Variants in FYCO1 observed in about 807,000 individuals in gnomAD.
FYCO1 encodes the protein FYVE and coiled-coil domain autophagy adaptor 1.
FYCO1 carries 122 observed loss-of-function variants against 165.1 expected under a neutral mutation model. That is an observed-to-expected ratio of 0.74 (90% CI 0.64 to 0.86). The LOEUF (loss-of-function observed/expected upper bound fraction) is 0.86. Among genes scored for constraint, FYCO1 ranks in the 40% least tolerant of loss-of-function variants. FYCO1 has a pLI of 0.00. For synonymous variants in FYCO1, 648 were observed against 742.5 expected (o/e 0.87, Z 2.07); for missense variants, 1,702 against 1,810.3 (o/e 0.94, Z 1.09).
rs754976353 is a variant in FYCO1 at position 45,958,507 on chromosome 3, G to A, written c.3700C>T (p.Pro1234Ser). Residue 1234 changes from proline to serine, a missense_variant, in exon 13 of 18, where the codon CCT becomes TCT. Transcript: ENST00000296137. Reference sequence around the variant, plus strand: ...GAGCCACTGCTATCAGGGGAGCCAGGGCCTTCACTGAGCTTCTGGAAACAG... The same window carrying A: ...GAGCCACTGCTATCAGGGGAGCCAGAGCCTTCACTGAGCTTCTGGAAACAG... ...RACFQKLSEG[P>S]GSPDSSGSGT... 3 of 1,614,048 alleles carry A rather than the reference G, an allele frequency of 1.9e-6. No individual in the cohort carries two copies. Among genetic ancestry groups the A allele is most frequent in the Admixed American group, 1.7e-5 (1 of 60,006 alleles).
intron 15 of FYCO1, among the ~76,000 whole-genome samples, chr3:45,935,511 T>C (rs1294915454): frequency 6.6e-6 from 1 of 152,196 alleles, no homozygotes; most frequent in African/African-American, 2.4e-5. Flanking sequence ...TGTCAGGCAT[T>C]GTCCTGTCTC....
At position 45,993,775 on chromosome 3, in the gene FYCO1, A is replaced by G. The variant is rs1707666799; in HGVS notation, c.-113+1947T>C. Among the ~76,000 whole-genome samples, 1 of 152,110 alleles carries G rather than the reference A, an allele frequency of 6.6e-6. No individual in the cohort carries two copies. Among genetic ancestry groups the G allele is most frequent in the Admixed American group, 6.5e-5 (1 of 15,270 alleles). ...GGTGCCTACCAGTGATTTCCACCAT[A>G]AGACCACAGCTAGACAACACACTTC... On this transcript the variant is annotated intron_variant, in intron 1 of 17. Coordinates refer to ENST00000296137, the MANE Select transcript of FYCO1 (RefSeq NM_024513.4). This position sits in a 1 kb window ranked among gnomAD's most constrained non-coding sequence, Gnocchi z 4.4.
At chr3:45,978,858 GTT>G (rs35365813) in intron 4 of FYCO1, among the ~76,000 whole-genome samples, 6 of 139,668 alleles carry the variant, frequency 4.3e-5, no homozygotes, top group Non-Finnish European at 4.6e-5. Flanking sequence ...TTGTTCTGGA[GTT>G]TTTTTTTTTT....
At chr3:45,931,627 G>A (rs1477764473) in intron 15 of FYCO1, among the ~76,000 whole-genome samples, 23 of 152,216 alleles carry the variant, frequency 1.5e-4, no homozygotes, top group Non-Finnish European at 2.6e-4. Context: ...AGCAAGTGCC[G>A]AGGCACAGCT....
At chr3:45,991,013 C>T (rs1026913009) in intron 1 of FYCO1, among the ~76,000 whole-genome samples, 40 of 152,066 alleles carry the variant, frequency 2.6e-4, no homozygotes, top group Non-Finnish European at 4.6e-4. Flanking sequence ...CTCCTGACCT[C>T]GTGATCCACC....
intron 1 of FYCO1, among the ~76,000 whole-genome samples, chr3:45,987,550 G>C (rs1432667095): frequency 3.9e-5 from 6 of 152,184 alleles, no homozygotes; most frequent in Non-Finnish European, 7.3e-5. Flanking sequence ...CTGGGACGGA[G>C]GCACACAAGA....
At chr3:45,928,969 G>A (rs531436070) in intron 16 of FYCO1, among the ~76,000 whole-genome samples, 1 of 152,216 alleles carries the variant, frequency 6.6e-6, no homozygotes, top group South Asian at 2.1e-4. Context: ...ATAATTCCTT[G>A]TGTCTATACC....
At chr3:45,924,220 A>G (rs993115022) in intron 16 of FYCO1, among the ~76,000 whole-genome samples, 2 of 151,414 alleles carry the variant, frequency 1.3e-5, no homozygotes, top group African/African-American at 4.9e-5. Context: ...TGCTGGGCCC[A>G]CTCTCCTCCA....
chr3:45,967,750 A>G lies in FYCO1; in HGVS notation c.1584T>C (p.His528=), dbSNP rs943567771. 5.0e-6 allele frequency: 8 copies of G among 1,613,172 alleles called. No homozygotes were observed. The highest frequency in any genetic ancestry group is 6.8e-6 in the Non-Finnish European group (8 of 1,179,982). The part of the protein sequence containing the change: ...LETQLAQVSQ[H]VSDLEEQKKQ... Reference sequence around the variant, plus strand: ...TCTTCTGCTCCTCCAGGTCACTCACATGTTGGCTCACCTGTGCCAGCTGGG... The same window carrying G: ...TCTTCTGCTCCTCCAGGTCACTCACGTGTTGGCTCACCTGTGCCAGCTGGG... Residue 528 remains histidine, a synonymous_variant, in exon 8 of 18, where the codon CAT becomes CAC. Transcript: ENST00000296137.
At chr3:45,988,533 A>G (rs1378432354) in intron 1 of FYCO1, among the ~76,000 whole-genome samples, 1 of 152,216 alleles carries the variant, frequency 6.6e-6, no homozygotes, top group Admixed American at 6.5e-5. Flanking sequence ...TAAGGACTCC[A>G]GGACTCACAC....
At chr3:45,992,692 G>A (rs1045588964) in intron 1 of FYCO1, among the ~76,000 whole-genome samples, 2 of 152,174 alleles carry the variant, frequency 1.3e-5, no homozygotes, top group Non-Finnish European at 2.9e-5. Flanking sequence ...AACCCTTGAA[G>A]GAGGTGGGAA....
intron 16 of FYCO1, among the ~76,000 whole-genome samples, chr3:45,926,303 G>A (rs1450854252): frequency 6.7e-6 from 1 of 149,660 alleles, no homozygotes; most frequent in African/African-American, 2.4e-5. Context: ...TAGGTTAAAA[G>A]TAAACAGATG....
intron 13 of FYCO1, 64 bp downstream of exon 13, chr3:45,958,344 A>T: frequency 2.1e-6 from 3 of 1,449,182 alleles, no homozygotes; most frequent in Non-Finnish European, 1.9e-6. Flanking sequence ...AACTAGCCAC[A>T]ACATCGGTAG....
intron 16 of FYCO1, among the ~76,000 whole-genome samples, chr3:45,926,489 G>C (rs948384807): frequency 6.6e-6 from 1 of 152,186 alleles, no homozygotes; most frequent in South Asian, 2.1e-4. Context: ...TAATGACAGA[G>C]CTTCAAAATA....
intron 2 of FYCO1, among the ~76,000 whole-genome samples, chr3:45,983,631 T>C (rs1707162573): frequency 6.6e-6 from 1 of 152,190 alleles, no homozygotes; most frequent in Admixed American, 6.5e-5. Flanking sequence ...GAACCAGATA[T>C]TGAAACACAG....
rs765456419 is a variant in FYCO1 at position 45,955,329 on chromosome 3, C to T, written c.3864G>A (p.Leu1288=). Residue 1288 remains leucine, a synonymous_variant, in exon 14 of 18, where the codon TTG becomes TTA. Transcript: ENST00000296137. ...AGGAGCCGGACTCCTGTATCTGGCA[C>T]AATTCCTCATCTGTGATGATATCAA... ...AVFDIITDEE[L]CQIQESGSSL... 47 of 1,614,064 alleles carry T rather than the reference C, an allele frequency of 2.9e-5. No homozygotes were observed. The highest frequency in any genetic ancestry group is 3.8e-5 in the Non-Finnish European group (45 of 1,180,034).
intron 14 of FYCO1, chr3:45,947,322 G>A (rs1223274051): frequency 1.9e-6 from 3 of 1,614,202 alleles, no homozygotes; most frequent in Middle Eastern, 1.6e-4. Flanking sequence ...ATACCTGAGG[G>A]CCTGCCTTAA....
At position 45,921,553 on chromosome 3, in the gene FYCO1, C is replaced by G. The variant is rs905031889; in HGVS notation, c.*212G>C. On this transcript the variant is annotated 3_prime_UTR_variant, in exon 18 of 18. Transcript: ENST00000296137. The stretch of plus-strand genomic sequence containing the variant: ...CAGCTGAGTCTCTACTTAATGGAAA[C>G]ATTGCCTGAGCCCTTCAACGCCTCG... 2 of 569,168 alleles carry G rather than the reference C, an allele frequency of 3.5e-6. No homozygotes were observed. Among genetic ancestry groups the G allele is most frequent in the African/African-American group, 1.9e-5 (1 of 53,246 alleles). 35.3% of individuals were successfully genotyped at this position (569,168 alleles called of 1,614,324 possible).
At position 45,921,806 on chromosome 3, in the gene FYCO1, C is replaced by T. The variant is rs1285407354; in HGVS notation, c.4396G>A (p.Val1466Ile). The T allele has an allele frequency of 1.2e-6, 2 of 1,612,896 alleles. No individual in the cohort carries two copies. The highest frequency in any genetic ancestry group is 2.7e-5 in the African/African-American group (2 of 74,910). The change falls in exon 18 of 18, where the codon GTT becomes ATT. Residue 1466 changes from valine to isoleucine, a missense_variant. By Grantham distance (29) the Val-to-Ile change is conservative. Coordinates refer to ENST00000296137, the MANE Select transcript of FYCO1 (RefSeq NM_024513.4). ...CCATCGTAGATCACAGGCCGATCAA[C>T]CGTCAAGTGATAAAATACCTTTTTA... ...VSKKVFYHLT[V>I]DRPVIYDGSD...
Sources: gnomAD v4.1 joint callset for allele counts (sites outside exome capture counted in the v4.1 genomes callset) on GRCh38, gnomAD v4.1.1 for gene constraint, Gnocchi (gnomAD v3.1) non-coding constraint, MANE v1.5 for transcripts, NCBI Gene and HGNC (gene_info 2026-07-23, HGNC 2026-07-21) for gene names.